KCNIP4: variants seen among roughly 807,000 people sequenced by gnomAD.
The protein encoded by KCNIP4 is potassium voltage-gated channel interacting protein 4, also known as Kv channel-interacting protein 4.
KCNIP4 carries 12 observed loss-of-function variants against 34.0 expected under a neutral mutation model. The observed-to-expected ratio is 0.35, with a 90% CI of 0.23 to 0.57. The LOEUF is 0.57. KCNIP4 is among the 20% of genes least tolerant of loss of function. The pLI is 0.83. For missense variants in KCNIP4, 238 were observed against 311.7 expected (o/e 0.76, Z 1.78); for synonymous variants, 124 against 102.2 (o/e 1.21, Z -1.29).
intron 1 of KCNIP4, among the ~76,000 whole-genome samples, chr4:21,694,940 A>AAAAGGCTTTTTGG (rs1712134079): frequency 2.1e-5 from 1 of 47,120 alleles, no homozygotes; most frequent in Non-Finnish European, 6.2e-5. Context: ...ATAAAAATAA[A>AAAAGGCTTTTTGG]TAAATAAATA....
At chr4:21,064,418 GAA>G (rs1744179657) in intron 1 of KCNIP4, among the ~76,000 whole-genome samples, 1 of 150,022 alleles carries the variant, frequency 6.7e-6, no homozygotes, top group Non-Finnish European at 1.5e-5. Flanking sequence ...AAAAAAAAAA[GAA>G]AATGCTGCAA....
chr4:21,558,804 T>TGGATG (rs1262420584), intron 1 of KCNIP4, among the ~76,000 whole-genome samples: 7 of 152,204 alleles, frequency 4.6e-5, no homozygotes, highest in African/African-American at 1.7e-4. Flanking sequence ...TTTTGCTTGC[T>TGGATG]GGATGTTGTA....
chr4:20,977,085 G>A (rs971135023), intron 1 of KCNIP4, among the ~76,000 whole-genome samples: 5 of 152,038 alleles, frequency 3.3e-5, no homozygotes, highest in South Asian at 2.1e-4. Context: ...CACACACCTC[G>A]GTCTCCCAAG....
chr4:21,419,614 A>G (rs963488925), intron 1 of KCNIP4, among the ~76,000 whole-genome samples: 1 of 152,148 alleles, frequency 6.6e-6, no homozygotes, highest in African/African-American at 2.4e-5. Context: ...AGCAGGGTTG[A>G]AAAATGATTA....
At chr4:21,234,271 A>G (rs866120122) in intron 1 of KCNIP4, among the ~76,000 whole-genome samples, 148 of 89,898 alleles carry the variant, frequency 1.6e-3, no homozygotes, top group African/African-American at 8.1e-3. Context: ...CATATATAAC[A>G]TATATTATAT....
At chr4:21,227,857 A>C (rs1383438265) in intron 1 of KCNIP4, among the ~76,000 whole-genome samples, 1 of 152,276 alleles carries the variant, frequency 6.6e-6, no homozygotes, top group Non-Finnish European at 1.5e-5. Flanking sequence ...GAGCGGACAG[A>C]TCAACTATCC....
chr4:20,922,325 A>G (rs1729463760), intron 1 of KCNIP4, among the ~76,000 whole-genome samples: 1 of 152,202 alleles, frequency 6.6e-6, no homozygotes, highest in Non-Finnish European at 1.5e-5. Context: ...GGGCCTCAAT[A>G]GAACAAAAAG....
intron 1 of KCNIP4, among the ~76,000 whole-genome samples, chr4:21,215,188 G>A (rs1453334688): frequency 2.0e-5 from 3 of 152,238 alleles, no homozygotes; most frequent in Non-Finnish European, 4.4e-5. Context: ...TGAAACAACT[G>A]AACTCTTGAA....
intron 1 of KCNIP4, among the ~76,000 whole-genome samples, chr4:21,068,360 T>C (rs898384949): frequency 6.6e-6 from 1 of 152,178 alleles, no homozygotes; most frequent in African/African-American, 2.4e-5. Context: ...GTTTATCAAG[T>C]CATCACCTCC....
intron 1 of KCNIP4, among the ~76,000 whole-genome samples, chr4:21,873,673 CA>C (rs1400303993): frequency 1.3e-5 from 2 of 152,096 alleles, no homozygotes; most frequent in Non-Finnish European, 2.9e-5. Context: ...CCTTGCCAAC[CA>C]CAACAAAATT....
At chr4:21,312,442 C>T (rs950472583) in intron 1 of KCNIP4, among the ~76,000 whole-genome samples, 14 of 152,166 alleles carry the variant, frequency 9.2e-5, no homozygotes, top group Admixed American at 6.5e-4. Context: ...CTCTGGACCA[C>T]ACTGTGAGAA....
intron 1 of KCNIP4, among the ~76,000 whole-genome samples, chr4:21,061,742 C>T (rs918336912): frequency 2.6e-5 from 4 of 152,124 alleles, no homozygotes; most frequent in Non-Finnish European, 5.9e-5. Flanking sequence ...CTTGAAATTT[C>T]TTATGTTGAA....
chr4:21,618,630 C>CTTTTTTTTTTTTTTTTTTTTTTTT (rs58967707), intron 1 of KCNIP4, among the ~76,000 whole-genome samples: 2 of 81,788 alleles, frequency 2.4e-5, no homozygotes, highest in Non-Finnish European at 4.5e-5. Context: ...TTTTCTTTTT[C>CTTTTTTTTTTTTTTTTTTTTTTTT]TTTTTTTTTT....
chr4:20,996,229 A>G (rs1321872812), intron 1 of KCNIP4, among the ~76,000 whole-genome samples: 1 of 151,942 alleles, frequency 6.6e-6, no homozygotes, highest in African/African-American at 2.4e-5. Flanking sequence ...CACTCAGCAA[A>G]CTCCTGTCTA....
At chr4:21,691,705 T>C (rs1711659571) in intron 1 of KCNIP4, among the ~76,000 whole-genome samples, 1 of 146,994 alleles carries the variant, frequency 6.8e-6, no homozygotes, top group East Asian at 2.0e-4. Context: ...TTTTTTTTTT[T>C]TTTTTTTTTC....
intron 1 of KCNIP4, among the ~76,000 whole-genome samples, chr4:21,096,901 C>T (rs914565107): frequency 2.0e-5 from 3 of 152,096 alleles, no homozygotes; most frequent in African/African-American, 7.2e-5. Context: ...GCTATGTCTC[C>T]GTATCCTTCC....
At chr4:21,677,511 C>G (rs1447328776) in intron 1 of KCNIP4, among the ~76,000 whole-genome samples, 1 of 152,140 alleles carries the variant, frequency 6.6e-6, no homozygotes. Flanking sequence ...ACTGCCAGTT[C>G]CCTGCAGCCA....
chr4:21,306,899 C>T (rs1022226027), intron 1 of KCNIP4, among the ~76,000 whole-genome samples: 11 of 152,004 alleles, frequency 7.2e-5, no homozygotes, highest in Non-Finnish European at 1.0e-4. Context: ...CTCGGCTCAC[C>T]GCAACCTCCG....
chr4:21,742,464 T>C (rs540537293), intron 1 of KCNIP4, among the ~76,000 whole-genome samples: 1 of 152,320 alleles, frequency 6.6e-6, no homozygotes, highest in South Asian at 2.1e-4. Context: ...TTTACAATCA[T>C]ATTTCTCATT....
Sources: allele counts gnomAD v4.1 joint callset (sites outside exome capture counted in the v4.1 genomes callset), GRCh38; gene constraint gnomAD v4.1.1; transcripts MANE v1.5; gene names NCBI Gene and HGNC (gene_info 2026-07-23, HGNC 2026-07-21).